Variants in NGRN observed in about 807,000 individuals in gnomAD.
NGRN encodes neugrin.
NGRN carries 12 observed loss-of-function variants against 13.1 expected under a neutral mutation model. The ratio of observed to expected loss-of-function variants is 0.92; its 90% CI spans 0.59 to 1.49. NGRN has a LOEUF of 1.49. Ranked by LOEUF, NGRN falls within the 40% of genes most tolerant of loss-of-function variation. NGRN has a pLI of 0.00. For synonymous variants in NGRN, 149 were observed against 145.8 expected (o/e 1.02, Z -0.16); for missense variants, 397 against 357.0 (o/e 1.11, Z -0.90).
At position 90,266,345 on chromosome 15, in the gene NGRN, G is replaced by A. The variant is rs375767614; in HGVS notation, c.222G>A (p.Glu74=). ...IRFQKIRRQM[E]APGAPPRTLT... is the part of the protein sequence containing the mutation. The stretch of plus-strand genomic sequence containing the variant: ...TCCAGAAAATTCGGAGGCAAATGGA[G>A]GCGCCTGGTGCCCCGCCCAGGACCC... Residue 74 remains glutamate (E), a synonymous_variant, in exon 2 of 3, where the codon GAG becomes GAA. Coordinates refer to ENST00000379095, the MANE Select transcript of NGRN (RefSeq NM_001033088.3). 1.2e-6 allele frequency: 2 copies of A among 1,613,884 alleles called. No homozygotes were observed. Among genetic ancestry groups the A allele is most frequent in the Non-Finnish European group, 1.7e-6 (2 of 1,179,974 alleles).
chr15:90,266,900 A>G (rs1052484130), intron 2 of NGRN, among the ~76,000 whole-genome samples: 2 of 152,228 alleles, frequency 1.3e-5, no homozygotes, highest in Non-Finnish European at 2.9e-5. Flanking sequence ...TCTATAATTT[A>G]GGAAAGCTTA....
chr15:90,268,292 C>T (rs1963457286), intron 2 of NGRN, among the ~76,000 whole-genome samples: 1 of 152,080 alleles, frequency 6.6e-6, no homozygotes, highest in African/African-American at 2.4e-5. Context: ...CATGAGCCAC[C>T]ATGCCGGCCT....
chr15:90,268,794 A>G (rs1417577044), intron 2 of NGRN, among the ~76,000 whole-genome samples: 1 of 150,800 alleles, frequency 6.6e-6, no homozygotes, highest in East Asian at 1.9e-4. Context: ...AAATTAAAAT[A>G]TATATATATA....
rs866002302 is a variant in NGRN, at chr15:90,268,802, A to G, written c.276-2386A>G. On this transcript the variant is annotated intron_variant, in intron 2 of 2. Transcript: ENST00000379095. The stretch of plus-strand genomic sequence containing the variant: ...GCCTTTTAAATTAAAATATATATAT[A>G]TATTTTAAATAAAGACAGGATTTTG... 9.5e-4 allele frequency among the ~76,000 whole-genome samples: 143 copies of G among 150,976 alleles called. 1 individual carries two copies. Among genetic ancestry groups the G allele is most frequent in the African/African-American group, 3.3e-3 (138 of 41,284 alleles).
In NGRN at chr15:90,266,377, G is replaced by T; in HGVS notation, c.254G>T (p.Trp85Leu). 1.2e-6 allele frequency: 2 copies of T among 1,613,528 alleles called. No homozygotes were observed. The highest frequency in any genetic ancestry group is 2.2e-5 in the South Asian group (2 of 90,934). Reference sequence around the variant, plus strand: ...GGTGCCCCGCCCAGGACCCTGACGTGGGAAGCCATGGAGCAGATACGGTGA... The same window carrying T: ...GGTGCCCCGCCCAGGACCCTGACGTTGGAAGCCATGGAGCAGATACGGTGA... ...APGAPPRTLT[W>L]EAMEQIRYLH... Residue 85 changes from tryptophan to leucine, a missense_variant, in exon 2 of 3, where the codon TGG becomes TTG. Physicochemically the swap from Trp to Leu is moderately conservative, Grantham distance 61. Transcript: ENST00000379095.
intron 1 of NGRN, 27 bp from the exon 2 acceptor site, chr15:90,266,261 C>A: frequency 6.2e-7 from 1 of 1,605,354 alleles, no homozygotes; most frequent in Non-Finnish European, 8.5e-7. Context: ...CCACGCATGG[C>A]TTCTGCCATT....
At position 90,271,278 on chromosome 15, in the gene NGRN, A is replaced by T; in HGVS notation, c.366A>T (p.Leu122Phe). 2 of 1,614,134 alleles carry T rather than the reference A, an allele frequency of 1.2e-6. No individual in the cohort carries two copies. Among genetic ancestry groups the T allele is most frequent in the Non-Finnish European group, 1.7e-6 (2 of 1,180,032 alleles). The change falls in exon 3 of 3, where the codon TTA becomes TTT. Residue 122 changes from leucine to phenylalanine, a missense_variant. Transcript: ENST00000379095. ...DVSTDVIRRV[L>F]KSKFLPTLEQ... is the part of the protein sequence containing the mutation. Reference sequence around the variant, plus strand: ...GCACTGATGTGATCCGAAGAGTTTTAAAAAGCAAGTTTTTACCCACATTGG... The same window carrying T: ...GCACTGATGTGATCCGAAGAGTTTTTAAAAGCAAGTTTTTACCCACATTGG...
intron 2 of NGRN, among the ~76,000 whole-genome samples, chr15:90,267,118 A>G (rs1366358174): frequency 6.7e-6 from 1 of 149,670 alleles, no homozygotes; most frequent in Non-Finnish European, 1.5e-5. Context: ...TGCAGCCTCT[A>G]CCTCCTGGGC....
In NGRN at chr15:90,266,303, G is replaced by A; in HGVS notation, c.180G>A (p.Gln60=). 6.2e-7 allele frequency: 1 copy of A among 1,613,658 alleles called. No individual in the cohort carries two copies. The highest frequency in any genetic ancestry group is 8.5e-7 in the Non-Finnish European group (1 of 1,179,800). Residue 60 remains glutamine (Q), a synonymous_variant, in exon 2 of 3, where the codon CAG becomes CAA. Transcript: ENST00000379095. ...CTTCCCCCAGCACCCTGAAACGACA[G>A]AAACAAGCAATCCGATTCCAGAAAA... ...LQEVESTLKR[Q]KQAIRFQKIR...
chr15:90,266,383 C>T lies in NGRN; in HGVS notation c.260C>T (p.Ala87Val), dbSNP rs1350256687. ...GAPPRTLTWE[A>V]MEQIRYLHEE... is the part of the protein sequence containing the mutation. ...CCGCCCAGGACCCTGACGTGGGAAG[C>T]CATGGAGCAGATACGGTGAGACTCA... is the stretch of plus-strand genomic sequence containing the variant. The change falls in exon 2 of 3, where the codon GCC becomes GTC. Residue 87 changes from alanine (A) to valine (V), a missense_variant. By Grantham distance (64) the Ala-to-Val change is moderately conservative. Transcript: ENST00000379095. 6.2e-7 allele frequency: 1 copy of T among 1,613,294 alleles called. No individual in the cohort carries two copies. Among genetic ancestry groups the T allele is most frequent in the African/African-American group, 1.3e-5 (1 of 75,020 alleles).
intron 2 of NGRN, among the ~76,000 whole-genome samples, chr15:90,270,309 A>G (rs1298530023): frequency 2.0e-5 from 3 of 152,018 alleles, no homozygotes; most frequent in Admixed American, 6.6e-5. Context: ...TCTTACCCTC[A>G]CTGTCAGTTG....
chr15:90,266,166 T>G, intron 1 of NGRN, 122 bp from the exon 2 acceptor site: 1 of 1,476,702 alleles, frequency 6.8e-7, no homozygotes, highest in Non-Finnish European at 9.0e-7. Context: ...GCCGGCAACA[T>G]GGCCCGGTTG....
At chr15:90,266,011 G>A (rs1963411785) in intron 1 of NGRN, 135 bp downstream of exon 1, 4 of 1,410,382 alleles carry the variant, frequency 2.8e-6, no homozygotes, top group Non-Finnish European at 3.7e-6. Context: ...CGTTGTTAGG[G>A]GCGCAGCGTC....
chr15:90,265,712 C>T lies in NGRN; in HGVS notation c.-1C>T, dbSNP rs759352368. The T allele has an allele frequency of 1.7e-5, 27 of 1,613,184 alleles. No individual in the cohort carries two copies. In the South Asian group the frequency reaches 2.4e-4, roughly 14 times the overall value. ...ACTGCTGAAGGCTGGTTTGCGTCGA[C>T]ATGGCGGTTACCCTGAGTCTCTTGC... On this transcript the variant is annotated 5_prime_UTR_variant, in exon 1 of 3. Transcript: ENST00000379095.
Position 90,271,565 on chromosome 15 carries a change from A to G in NGRN, c.653A>G (p.Glu218Gly), listed in dbSNP as rs756225182. ...KGRNKEIQDLEESFVPVAAPL... is the reference protein window; with the variant it reads ...KGRNKEIQDLGESFVPVAAPL... ...AGAAATAAAGAAATCCAGGACCTGG[A>G]GGAGAGCTTTGTGCCTGTTGCTGCA... The change falls in exon 3 of 3, where the codon GAG (glutamate) becomes GGG (glycine). Residue 218 changes from glutamate (E) to glycine (G), a missense_variant. Physicochemically the swap from Glu to Gly is moderately conservative, Grantham distance 98. Transcript: ENST00000379095. The G allele has an allele frequency of 3.7e-6, 6 of 1,614,168 alleles. No individual in the cohort carries two copies. In the South Asian group the frequency reaches 5.5e-5, roughly 15 times the overall value.
rs1596199616 is a variant in NGRN, at chr15:90,265,890, C to T, written c.164+14C>T. 1.3e-6 allele frequency: 2 copies of T among 1,532,200 alleles called. No individual in the cohort carries two copies. The highest frequency in any genetic ancestry group is 8.8e-7 in the Non-Finnish European group (1 of 1,141,604). 94.9% of individuals were successfully genotyped at this position (1,532,200 alleles called of 1,614,324 possible). A position where few individuals can be genotyped will look rare whatever the true frequency, so the allele number is the denominator to read the frequency against. ...GGAGGTGGAGAGGTACCGGCTTCTC[C>T]CCGGGCCCTCAGCTTGAAGCAGGGC... On this transcript the variant is annotated intron_variant, in intron 1 of 2. Transcript: ENST00000379095.
At chr15:90,271,105 C>T (rs1458355316) in intron 2 of NGRN, 83 bp from the exon 3 acceptor site, 11 of 1,497,056 alleles carry the variant, frequency 7.3e-6, no homozygotes, top group African/African-American at 1.4e-5. Flanking sequence ...CTCAACCCCT[C>T]TTCTTTATCA....
chr15:90,266,302 A>G lies in NGRN; in HGVS notation c.179A>G (p.Gln60Arg), dbSNP rs201006669. ...LQEVESTLKR[Q>R]KQAIRFQKIR... ...TCTTCCCCCAGCACCCTGAAACGAC[A>G]GAAACAAGCAATCCGATTCCAGAAA... is the stretch of plus-strand genomic sequence containing the variant. Residue 60 changes from glutamine to arginine, a missense_variant, in exon 2 of 3, where the codon CAG becomes CGG. Gln to Arg is a conservative substitution (Grantham distance 43). Transcript: ENST00000379095. 1.6e-4 allele frequency: 259 copies of G among 1,613,698 alleles called. No homozygotes were observed. Among genetic ancestry groups the G allele is most frequent in the Non-Finnish European group, 2.1e-4 (246 of 1,179,818 alleles).
chr15:90,272,002 C>T lies in NGRN; in HGVS notation c.*214C>T, dbSNP rs1225853432. On this transcript the variant is annotated 3_prime_UTR_variant, in exon 3 of 3. Transcript: ENST00000379095. ...CCTCTGTAGACCTTCAGTACTCACTCTTCTTGCTTAGGCTCTCTGTGTGTT... is the reference window on the plus strand; with the variant it reads ...CCTCTGTAGACCTTCAGTACTCACTTTTCTTGCTTAGGCTCTCTGTGTGTT... The T allele has an allele frequency of 3.4e-6, 2 of 583,254 alleles. No homozygotes were observed. Among genetic ancestry groups the T allele is most frequent in the East Asian group, 2.8e-5 (1 of 35,316 alleles). 36.1% of individuals were successfully genotyped at this position (583,254 alleles called of 1,614,324 possible). A position where few individuals can be genotyped will look rare whatever the true frequency, so the allele number is the denominator to read the frequency against.
Sources: gnomAD v4.1 joint callset for allele counts (sites outside exome capture counted in the v4.1 genomes callset) on GRCh38, gnomAD v4.1.1 for gene constraint, MANE v1.5 for transcripts, NCBI Gene and HGNC (gene_info 2026-07-23, HGNC 2026-07-21) for gene names.